The following EPHA7 variants were observed in gnomAD, a reference collection of about 807,000 sequenced individuals.
EPHA7 encodes EPH receptor A7, also known as ephrin type-A receptor 7.
In EPHA7, 25 loss-of-function variants were observed where a neutral mutation model predicts 112.6. That is an observed-to-expected ratio of 0.22 (90% CI 0.16 to 0.31). The LOEUF is 0.31. Among genes scored for constraint, EPHA7 ranks in the 10% least tolerant of loss-of-function variants. EPHA7 has a pLI of 1.00. For synonymous variants in EPHA7, 437 were observed against 406.5 expected (o/e 1.07, Z -0.90); for missense variants, 962 against 1,212.6 (o/e 0.79, Z 3.07).
chr6:93,383,424 T>A (rs1291295262), intron 3 of EPHA7, among the ~76,000 whole-genome samples: 1 of 151,860 alleles, frequency 6.6e-6, no homozygotes, highest in Non-Finnish European at 1.5e-5. Context: ...GTGAGGAAAC[T>A]TAAAGTTATG....
chr6:93,269,564 G>A lies in EPHA7; in HGVS notation c.1546C>T (p.Arg516Trp). 2 of 1,610,612 alleles carry A rather than the reference G, an allele frequency of 1.2e-6. No individual in the cohort carries two copies. The highest frequency in any genetic ancestry group is 1.7e-6 in the Non-Finnish European group (2 of 1,178,086). The stretch of plus-strand genomic sequence containing the variant: ...CCATAACCAGCAGCAGTAAAAGCCC[G>A]AATCTGGAAAACATACACTGTTCCT... ...KPGTVYVFQI[R>W]AFTAAGYGNY... Residue 516 changes from arginine (R) to tryptophan (W), a missense_variant, in exon 7 of 17, where the codon CGG (arginine) becomes TGG (tryptophan). Around this residue, in one of 3 missense-constraint regions of EPHA7, gnomAD observed 746 missense variants for 889.2 expected, o/e 0.84. Transcript: ENST00000369303.
intron 14 of EPHA7, among the ~76,000 whole-genome samples, chr6:93,253,223 A>T (rs1396616062): frequency 6.6e-6 from 1 of 152,040 alleles, no homozygotes; most frequent in African/African-American, 2.4e-5. Flanking sequence ...AGACCTGTCA[A>T]ATATTAACAA....
In EPHA7 at chr6:93,258,026, T is replaced by C. The variant is rs1409907259; in HGVS notation, c.2110+73A>G. On this transcript the variant is annotated intron_variant, in intron 11 of 16. Transcript: ENST00000369303. ...GTGCAACATATTTCATAATTTGTTT[T>C]ATTGTGTACATAATAATACTAATTT... The C allele has an allele frequency of 3.7e-6, 5 of 1,368,284 alleles. No individual in the cohort carries two copies. In the Admixed American group the frequency reaches 5.9e-5, roughly 16 times the overall value. The allele number at this position is 1,368,284 out of a possible 1,614,324, so 84.8% of individuals were successfully genotyped here. A position where few individuals can be genotyped will look rare whatever the true frequency, so the allele number is the denominator to read the frequency against.
At position 93,410,589 on chromosome 6, in the gene EPHA7, C is replaced by T. The variant is rs761433457; in HGVS notation, c.744G>A (p.Met248Ile). The change falls in exon 3 of 17, where the codon ATG becomes ATA. Residue 248 changes from methionine (M) to isoleucine (I), a missense_variant. Met to Ile is a conservative substitution (Grantham distance 10). Transcript: ENST00000369303. The surrounding 1 kb of genome is among the most constrained non-coding windows in gnomAD (Gnocchi z 4.0). ...AEEEAENAPR[M>I]HCSAEGEWLV... ...ACCATTCTCCTTCTGCACTGCAGTG[C>T]ATCCTGGGGGCGTTTTCCGCTTCTT... 6.2e-7 allele frequency: 1 copy of T among 1,614,028 alleles called. No homozygotes were observed. Among genetic ancestry groups the T allele is most frequent in the Non-Finnish European group, 8.5e-7 (1 of 1,179,958 alleles).
At chr6:93,259,988 A>T (rs553622825) in intron 9 of EPHA7, among the ~76,000 whole-genome samples, 1 of 151,956 alleles carries the variant, frequency 6.6e-6, no homozygotes, top group Non-Finnish European at 1.5e-5. Context: ...TTAAAGACCA[A>T]CCACCGTTGA....
intron 5 of EPHA7, among the ~76,000 whole-genome samples, chr6:93,320,314 C>G (rs971979157): frequency 6.6e-6 from 1 of 151,954 alleles, no homozygotes; most frequent in Non-Finnish European, 1.5e-5. Context: ...AAAAGCTTAG[C>G]AAAGCATTTT....
chr6:93,340,777 C>T (rs1775099431), intron 5 of EPHA7, among the ~76,000 whole-genome samples: 1 of 151,602 alleles, frequency 6.6e-6, no homozygotes, highest in African/African-American at 2.4e-5. Flanking sequence ...TTTAGAAATC[C>T]ATATTATATG....
chr6:93,293,201 T>C (rs1372526112), intron 5 of EPHA7, among the ~76,000 whole-genome samples: 2 of 151,654 alleles, frequency 1.3e-5, no homozygotes, highest in Non-Finnish European at 2.9e-5. Context: ...TTGTTATTCA[T>C]AATTTAGTTT....
intron 5 of EPHA7, among the ~76,000 whole-genome samples, chr6:93,293,539 A>G (rs1450163596): frequency 6.6e-6 from 1 of 152,140 alleles, no homozygotes; most frequent in African/African-American, 2.4e-5. Flanking sequence ...GAAAGAAAAT[A>G]TCGTCATTCT....
rs1419843028 is a variant in EPHA7, at chr6:93,242,044, T to A, written c.*1382A>T. Reference sequence around the variant, plus strand: ...GGTAGTTCATGATTTTCATAAGTTTTGAAAGCATTAATCACAATATGTATA... The same window carrying A: ...GGTAGTTCATGATTTTCATAAGTTTAGAAAGCATTAATCACAATATGTATA... On this transcript the variant is annotated 3_prime_UTR_variant, in exon 17 of 17. Transcript: ENST00000369303. 1 of 205,186 alleles carries A rather than the reference T, an allele frequency of 4.9e-6. No homozygotes were observed. The highest frequency in any genetic ancestry group is 1.9e-4 in the South Asian group (1 of 5,292). The allele number at this position is 205,186 out of a possible 1,614,324, so 12.7% of individuals were successfully genotyped here. A position where few individuals can be genotyped will look rare whatever the true frequency, so the allele number is the denominator to read the frequency against.
chr6:93,272,162 A>C, intron 6 of EPHA7, 136 bp downstream of exon 6: 1 of 890,764 alleles, frequency 1.1e-6, no homozygotes, highest in Non-Finnish European at 1.7e-6. Flanking sequence ...GATGGTTATT[A>C]TAAATGGCTA....
chr6:93,336,656 C>T (rs1000014840), intron 5 of EPHA7, among the ~76,000 whole-genome samples: 2 of 152,012 alleles, frequency 1.3e-5, no homozygotes, highest in Non-Finnish European at 2.9e-5. Context: ...CCGCCTTGGC[C>T]TCCCAAAGTG....
intron 3 of EPHA7, among the ~76,000 whole-genome samples, chr6:93,387,244 T>G (rs1222517924): frequency 6.6e-6 from 1 of 152,070 alleles, no homozygotes; most frequent in Non-Finnish European, 1.5e-5. Context: ...TCCACCAATC[T>G]CTAGGGCAGG....
chr6:93,346,673 TTTTA>T (rs1562112893), intron 5 of EPHA7, among the ~76,000 whole-genome samples: 1 of 151,810 alleles, frequency 6.6e-6, no homozygotes, highest in Non-Finnish European at 1.5e-5. Context: ...ACTGTGCATA[TTTTA>T]TTTAAGTTCC....
At chr6:93,416,094 A>G (rs1409344996) in intron 1 of EPHA7, among the ~76,000 whole-genome samples, 2 of 151,886 alleles carry the variant, frequency 1.3e-5, no homozygotes, top group Non-Finnish European at 2.9e-5. Context: ...CTGACAGGAA[A>G]AAAAAAAACT....
intron 14 of EPHA7, among the ~76,000 whole-genome samples, chr6:93,247,682 T>C (rs1237399991): frequency 1.3e-5 from 2 of 152,138 alleles, no homozygotes; most frequent in Non-Finnish European, 2.9e-5. Context: ...AGCTGGTTTT[T>C]ATTATTATTT....
Position 93,354,518 on chromosome 6 carries a change from AAAATGTACTCATTTT to A in EPHA7, c.1324+2184_1324+2198del, listed in dbSNP as rs563258692. Among the ~76,000 whole-genome samples, 1,034 of 151,826 alleles carry A rather than the reference AAAATGTACTCATTTT, an allele frequency of 6.8e-3. 6 individuals carry two copies. Among genetic ancestry groups the A allele is most frequent in the Non-Finnish European group, 0.011 (755 of 67,834 alleles). On this transcript the variant is annotated intron_variant, in intron 5 of 16. Transcript: ENST00000369303. ...CATCGAGGTATAATTTAAATAGCATAAAATGTACTCATTTTAATATACGATTAAGTATTTTTAGTA... is the reference window on the plus strand; with the variant it reads ...CATCGAGGTATAATTTAAATAGCATAAATATACGATTAAGTATTTTTAGTA...
At chr6:93,259,584 C>T in intron 9 of EPHA7, 105 bp from the exon 10 acceptor site, 5 of 1,349,020 alleles carry the variant, frequency 3.7e-6, no homozygotes, top group Non-Finnish European at 5.2e-6. Flanking sequence ...AGTGAACTTG[C>T]TTCCACATCA....
At chr6:93,412,173 T>G (rs563734277) in intron 2 of EPHA7, among the ~76,000 whole-genome samples, 1 of 152,216 alleles carries the variant, frequency 6.6e-6, no homozygotes, top group East Asian at 1.9e-4. Flanking sequence ...ATTTATGATG[T>G]CTTAATAATG....
Sources: allele counts gnomAD v4.1 joint callset (sites outside exome capture counted in the v4.1 genomes callset), GRCh38; gene constraint gnomAD v4.1.1; regional missense constraint gnomAD v4.1.1; non-coding constraint Gnocchi (gnomAD v3.1); transcripts MANE v1.5; gene names NCBI Gene and HGNC (gene_info 2026-07-23, HGNC 2026-07-21).